The following KIRREL3 variants were observed in gnomAD, a reference collection of about 807,000 sequenced individuals.
KIRREL3 encodes the protein kirre like nephrin family adhesion molecule 3.
A neutral mutation model predicts 89.7 loss-of-function variants in KIRREL3; 36 were observed. That is an observed-to-expected ratio of 0.40 (90% CI 0.31 to 0.53). KIRREL3 has a LOEUF of 0.53. Ranked by LOEUF, KIRREL3 falls within the 20% of genes least tolerant of loss-of-function variation. KIRREL3 has a pLI of 0.49. For missense variants in KIRREL3, 864 were observed against 1,056.6 expected, an observed-to-expected ratio of 0.82 and a Z score of 2.53; for synonymous variants, 445 against 441.4, an observed-to-expected ratio of 1.01 and a Z score of -0.10.
intron 1 of KIRREL3, among the ~76,000 whole-genome samples, chr11:126,777,084 C>T (rs564317167): frequency 1.1e-4 from 17 of 152,308 alleles, no homozygotes; most frequent in East Asian, 1.9e-4. Context: ...AGTATAGGAA[C>T]GTCCAGGGCC....
rs1380218361 is a variant in KIRREL3, at chr11:126,570,945, A to T, written c.56-8033T>A. 6.6e-6 allele frequency among the ~76,000 whole-genome samples: 1 copy of T among 152,014 alleles called. No homozygotes were observed. Among genetic ancestry groups the T allele is most frequent in the Admixed American group, 6.6e-5 (1 of 15,266 alleles). Reference sequence around the variant, plus strand: ...CATTTAACTTTTCTCATCTCGTTTCACCCTCACAACACCTTTATGATCACA... The same window carrying T: ...CATTTAACTTTTCTCATCTCGTTTCTCCCTCACAACACCTTTATGATCACA... On this transcript the variant is annotated intron_variant, in intron 1 of 16. Coordinates refer to ENST00000525144, the MANE Select transcript of KIRREL3 (RefSeq NM_032531.4). The surrounding 1 kb of genome is among the most constrained non-coding windows in gnomAD (Gnocchi z 6.1).
intron 1 of KIRREL3, among the ~76,000 whole-genome samples, chr11:126,967,048 G>A (rs1949293379): frequency 6.6e-6 from 1 of 152,112 alleles, no homozygotes; most frequent in African/African-American, 2.4e-5. Context: ...TAAGCCCAGA[G>A]AGCTGACAAT....
In KIRREL3 at chr11:126,579,973, G is replaced by A. The variant is rs1591770293; in HGVS notation, c.56-17061C>T. On this transcript the variant is annotated intron_variant, in intron 1 of 16. Coordinates refer to ENST00000525144, the MANE Select transcript of KIRREL3 (RefSeq NM_032531.4). This position sits in a 1 kb window ranked among gnomAD's most constrained non-coding sequence, Gnocchi z 5.3. ...CCATTCTCCTGCCTCAGCCTCCCGA[G>A]TAGCTGGGACTATAGGCGCCCGCCA... 6.6e-6 allele frequency among the ~76,000 whole-genome samples: 1 copy of A among 151,968 alleles called. No homozygotes were observed. Among genetic ancestry groups the A allele is most frequent in the African/African-American group, 2.4e-5 (1 of 41,346 alleles).
intron 1 of KIRREL3, among the ~76,000 whole-genome samples, chr11:126,925,297 C>T (rs1323352558): frequency 6.6e-6 from 1 of 152,184 alleles, no homozygotes; most frequent in Non-Finnish European, 1.5e-5. Flanking sequence ...AGAGCAGGCA[C>T]ACGCATGAGG....
intron 1 of KIRREL3, among the ~76,000 whole-genome samples, chr11:126,925,126 G>T (rs899715924): frequency 3.4e-5 from 5 of 145,514 alleles, no homozygotes; most frequent in African/African-American, 1.3e-4. Flanking sequence ...TTGGTCACAG[G>T]ATTGTGCAAA....
rs1949452662 is a variant in KIRREL3 at position 126,755,219 on chromosome 11, A to C, written c.56-192307T>G. Among the ~76,000 whole-genome samples the C allele has an allele frequency of 6.6e-6, 1 of 152,228 alleles. No individual in the cohort carries two copies. Among genetic ancestry groups the C allele is most frequent in the Non-Finnish European group, 1.5e-5 (1 of 68,044 alleles). On this transcript the variant is annotated intron_variant, in intron 1 of 16. Transcript: ENST00000525144. The surrounding 1 kb of genome is among the most constrained non-coding windows in gnomAD (Gnocchi z 4.3). ...GCATTAAGTAACCAGAGGGAAAAAA[A>C]TGTATTCCCATCCGAGGCCCTTGCC...
chr11:126,723,187 A>G lies in KIRREL3; in HGVS notation c.56-160275T>C, dbSNP rs1948246575. Among the ~76,000 whole-genome samples, 1 of 133,186 alleles carries G rather than the reference A, an allele frequency of 7.5e-6. No individual in the cohort carries two copies. The highest frequency in any genetic ancestry group is 1.6e-5 in the Non-Finnish European group (1 of 61,144). 87.4% of individuals were successfully genotyped at this position (133,186 alleles called of 152,430 possible). The stretch of plus-strand genomic sequence containing the variant: ...CTATCTCAGAGCCTGCAGCCCTGAC[A>G]CATTGCAGGTACTTAGCATACAGAG... On this transcript the variant is annotated intron_variant, in intron 1 of 16. Coordinates refer to ENST00000525144, the MANE Select transcript of KIRREL3 (RefSeq NM_032531.4). This position sits in a 1 kb window ranked among gnomAD's most constrained non-coding sequence, Gnocchi z 4.0.
At position 126,896,779 on chromosome 11, in the gene KIRREL3, C is replaced by T. The variant is rs1946176000; in HGVS notation, c.55+103676G>A. 1.3e-5 allele frequency among the ~76,000 whole-genome samples: 2 copies of T among 152,170 alleles called. No homozygotes were observed. Among genetic ancestry groups the T allele is most frequent in the Admixed American group, 1.3e-4 (2 of 15,278 alleles). ...GGAGATTCATTCTCACCACGTGTTC[C>T]AACTCTAGAACTATGTAACTGCTCA... On this transcript the variant is annotated intron_variant, in intron 1 of 16. Coordinates refer to ENST00000525144, the MANE Select transcript of KIRREL3 (RefSeq NM_032531.4). The surrounding 1 kb of genome is among the most constrained non-coding windows in gnomAD (Gnocchi z 4.1).
In KIRREL3 at chr11:126,747,248, C is replaced by T. The variant is rs1043767613; in HGVS notation, c.56-184336G>A. On this transcript the variant is annotated intron_variant, in intron 1 of 16. Transcript: ENST00000525144. The surrounding 1 kb of genome is among the most constrained non-coding windows in gnomAD (Gnocchi z 4.7). ...TACTCTGCCCTGACAAGTTGTAACC[C>T]TCAGTAAATAACACAATCAGTGTAT... Among the ~76,000 whole-genome samples the T allele has an allele frequency of 1.3e-5, 2 of 152,214 alleles. No individual in the cohort carries two copies. Among genetic ancestry groups the T allele is most frequent in the Admixed American group, 6.5e-5 (1 of 15,292 alleles).
In KIRREL3 at chr11:126,745,233, G is replaced by T. The variant is rs571630637; in HGVS notation, c.56-182321C>A. Among the ~76,000 whole-genome samples the T allele has an allele frequency of 1.1e-4, 17 of 152,224 alleles. No individual in the cohort carries two copies. In the South Asian group the frequency reaches 3.5e-3, roughly 32 times the overall value. On this transcript the variant is annotated intron_variant, in intron 1 of 16. Transcript: ENST00000525144. The stretch of plus-strand genomic sequence containing the variant: ...TCTGTGATACAGGATAGCCTCTTTT[G>T]CCTAAAGAAAACCACTCTGAAATTG...
In KIRREL3 at chr11:126,624,444, A is replaced by G. The variant is rs183801937; in HGVS notation, c.56-61532T>C. On this transcript the variant is annotated intron_variant, in intron 1 of 16. Transcript: ENST00000525144. The surrounding 1 kb of genome is among the most constrained non-coding windows in gnomAD (Gnocchi z 6.0). ...ACCATCAGGTGCTTAAAACACAATT[A>G]TAATTGGAAAGACCAAGAATTTGTG... Among the ~76,000 whole-genome samples, 83 of 152,320 alleles carry G rather than the reference A, an allele frequency of 5.4e-4. No homozygotes were observed. The highest frequency in any genetic ancestry group is 1.8e-3 in the African/African-American group (76 of 41,564).
At chr11:126,695,057 C>T (rs954643911) in intron 1 of KIRREL3, among the ~76,000 whole-genome samples, 1 of 152,174 alleles carries the variant, frequency 6.6e-6, no homozygotes. Flanking sequence ...CATCCCTCAC[C>T]CCCTTCTGTC....
At chr11:126,793,965 T>A (rs1454985662) in intron 1 of KIRREL3, among the ~76,000 whole-genome samples, 13 of 152,186 alleles carry the variant, frequency 8.5e-5, no homozygotes, top group Admixed American at 8.5e-4. Context: ...AAAGGGTGCA[T>A]TTCTAATGGT....
At chr11:126,646,295 T>A (rs2134952818) in intron 1 of KIRREL3, among the ~76,000 whole-genome samples, 1 of 100,892 alleles carries the variant, frequency 9.9e-6, no homozygotes, top group South Asian at 4.4e-4. Context: ...TCTATTATTA[T>A]TGTTATTTAT....
intron 1 of KIRREL3, among the ~76,000 whole-genome samples, chr11:126,832,200 C>A (rs1230757651): frequency 6.6e-6 from 1 of 152,116 alleles, no homozygotes; most frequent in African/African-American, 2.4e-5. Context: ...TAAGGATGAT[C>A]CTAGGTGCAC....
At chr11:126,937,425 T>C (rs992841454) in intron 1 of KIRREL3, among the ~76,000 whole-genome samples, 3 of 152,222 alleles carry the variant, frequency 2.0e-5, no homozygotes, top group Non-Finnish European at 1.5e-5. Flanking sequence ...TATCAGCAGA[T>C]GTGGCAGGCG....
intron 4 of KIRREL3, among the ~76,000 whole-genome samples, chr11:126,511,728 G>A (rs556825997): frequency 1.1e-4 from 16 of 152,278 alleles, no homozygotes; most frequent in African/African-American, 1.7e-4. Context: ...ACACCCCTCC[G>A]TCACCCCACT....
chr11:126,507,262 A>T (rs1485935776), intron 4 of KIRREL3, among the ~76,000 whole-genome samples: 2 of 152,146 alleles, frequency 1.3e-5, no homozygotes, highest in African/African-American at 4.8e-5. Flanking sequence ...CTAATACTGG[A>T]TTGTGGGGGT....
intron 1 of KIRREL3, among the ~76,000 whole-genome samples, chr11:126,851,903 C>T (rs1005788460): frequency 6.6e-6 from 1 of 152,154 alleles, no homozygotes; most frequent in Non-Finnish European, 1.5e-5. Flanking sequence ...TAAAGCAGAC[C>T]GTGGCTCCTC....
Sources: allele counts gnomAD v4.1 joint callset (sites outside exome capture counted in the v4.1 genomes callset), GRCh38; gene constraint gnomAD v4.1.1; non-coding constraint Gnocchi (gnomAD v3.1); transcripts MANE v1.5; gene names NCBI Gene and HGNC (gene_info 2026-07-23, HGNC 2026-07-21).